The following CERS6 variants were observed in gnomAD, a reference collection of about 807,000 sequenced individuals.
CERS6 encodes LAG1 homolog, ceramide synthase 6.
A neutral mutation model predicts 56.8 loss-of-function variants in CERS6; 26 were observed. The observed-to-expected ratio is 0.46, with a 90% CI of 0.34 to 0.63. The LOEUF is 0.63. Ranked by LOEUF, CERS6 falls within the 30% of genes least tolerant of loss-of-function variation. The pLI, the probability that CERS6 is intolerant of heterozygous loss-of-function variation, is 0.01. For missense variants in CERS6, 415 were observed against 467.5 expected, an observed-to-expected ratio of 0.89 and a Z score of 1.04; for synonymous variants, 164 against 173.3, an observed-to-expected ratio of 0.95 and a Z score of 0.42.
intron 4 of CERS6, among the ~76,000 whole-genome samples, chr2:168,682,061 A>T (rs980431600): frequency 2.6e-5 from 4 of 152,350 alleles, no homozygotes; most frequent in Admixed American, 6.5e-5. Flanking sequence ...GGCTATTGTG[A>T]ATAGTGCTAC....
chr2:168,536,476 G>A (rs1695266461), intron 1 of CERS6, among the ~76,000 whole-genome samples: 1 of 152,036 alleles, frequency 6.6e-6, no homozygotes, highest in Non-Finnish European at 1.5e-5. Context: ...CACACAGTGA[G>A]ATGATAGATA....
chr2:168,581,648 G>A (rs922992835), intron 3 of CERS6, among the ~76,000 whole-genome samples: 1 of 151,968 alleles, frequency 6.6e-6, no homozygotes, highest in Non-Finnish European at 1.5e-5. Flanking sequence ...AAACCTGCTT[G>A]TTCAGTTTTC....
At chr2:168,656,287 T>C (rs532798496) in intron 4 of CERS6, among the ~76,000 whole-genome samples, 1 of 152,224 alleles carries the variant, frequency 6.6e-6, no homozygotes, top group African/African-American at 2.4e-5. Context: ...GTAAGCTTTA[T>C]AAATTTTTTG....
intron 8 of CERS6, among the ~76,000 whole-genome samples, chr2:168,737,598 G>A (rs1683757180): frequency 6.6e-6 from 1 of 152,222 alleles, no homozygotes; most frequent in Admixed American, 6.5e-5. Context: ...GGACCAAAAA[G>A]AAGAGTGTCT....
At chr2:168,633,720 C>CA (rs1284110361) in intron 4 of CERS6, among the ~76,000 whole-genome samples, 2 of 151,644 alleles carry the variant, frequency 1.3e-5, no homozygotes, top group Non-Finnish European at 2.9e-5. Context: ...TAAACTGAGA[C>CA]AAAAAAAATT....
chr2:168,571,654 T>A (rs952154687), intron 3 of CERS6, among the ~76,000 whole-genome samples: 3 of 152,158 alleles, frequency 2.0e-5, no homozygotes, highest in African/African-American at 7.2e-5. Flanking sequence ...AGCCAACTAC[T>A]TTTATTCTAT....
At chr2:168,550,882 G>A (rs935972632) in intron 2 of CERS6, among the ~76,000 whole-genome samples, 5 of 152,278 alleles carry the variant, frequency 3.3e-5, no homozygotes, top group African/African-American at 1.2e-4. Context: ...CCTCCACTGG[G>A]GGCTGAAGGC....
chr2:168,551,402 A>G (rs16855460), intron 2 of CERS6, among the ~76,000 whole-genome samples: 3,150 of 152,140 alleles, frequency 0.021, 118 homozygotes, highest in East Asian at 0.17. Context: ...TTACACCTGG[A>G]TATTTGTGTT....
chr2:168,466,610 T>G (rs1421993814), intron 1 of CERS6, among the ~76,000 whole-genome samples: 2 of 152,244 alleles, frequency 1.3e-5, no homozygotes, highest in African/African-American at 2.4e-5. Context: ...TGTTTGGTCA[T>G]TGTACAAAAT....
intron 9 of CERS6, among the ~76,000 whole-genome samples, chr2:168,769,052 A>AT (rs199817924): frequency 2.9e-4 from 44 of 149,756 alleles, no homozygotes; most frequent in East Asian, 5.9e-4. Context: ...CCAAATAGGA[A>AT]TTTTTTTTTT....
intron 8 of CERS6, among the ~76,000 whole-genome samples, chr2:168,720,518 G>A (rs1409807429): frequency 6.6e-6 from 1 of 152,126 alleles, no homozygotes; most frequent in Non-Finnish European, 1.5e-5. Context: ...GTCCGTACGA[G>A]TCAGGATAGT....
At chr2:168,726,171 T>C (rs1383308375) in intron 8 of CERS6, among the ~76,000 whole-genome samples, 1 of 152,212 alleles carries the variant, frequency 6.6e-6, no homozygotes, top group Non-Finnish European at 1.5e-5. Context: ...TTGATTTCCT[T>C]AAATCTTTGC....
At chr2:168,590,540 A>T (rs1683647831) in intron 3 of CERS6, among the ~76,000 whole-genome samples, 1 of 152,214 alleles carries the variant, frequency 6.6e-6, no homozygotes, top group African/African-American at 2.4e-5. Context: ...TACCACCATT[A>T]TGTAAGAGTA....
At chr2:168,495,535 G>A (rs1419741318) in intron 1 of CERS6, among the ~76,000 whole-genome samples, 1 of 152,160 alleles carries the variant, frequency 6.6e-6, no homozygotes, top group Non-Finnish European at 1.5e-5. Flanking sequence ...ACAACTAAAT[G>A]ACAAAGACAA....
chr2:168,684,887 A>G (rs994909655), intron 4 of CERS6, among the ~76,000 whole-genome samples: 5 of 152,322 alleles, frequency 3.3e-5, no homozygotes, highest in African/African-American at 1.2e-4. Context: ...CGTTTCCAGT[A>G]TAAATTCATG....
At chr2:168,510,090 T>G (rs1694751627) in intron 1 of CERS6, among the ~76,000 whole-genome samples, 1 of 145,302 alleles carries the variant, frequency 6.9e-6, no homozygotes. Flanking sequence ...TTATAATAAT[T>G]GGTAAAAAAA....
chr2:168,741,373 TAAAAA>T lies in CERS6; in HGVS notation c.845+23413_845+23417del, dbSNP rs200311434. Among the ~76,000 whole-genome samples, 663 of 147,060 alleles carry T rather than the reference TAAAAA, an allele frequency of 4.5e-3. 7 individuals are homozygous for T. Among genetic ancestry groups the T allele is most frequent in the African/African-American group, 0.011 (438 of 39,530 alleles). ...AGTTATATGTATGGATTTGGAGAAT[TAAAAA>T]AAAAAAAAAAAAAAAAAGACAAACT... On this transcript the variant is annotated intron_variant, in intron 8 of 9. Transcript: ENST00000305747.
chr2:168,756,505 T>C (rs934760466), intron 8 of CERS6, among the ~76,000 whole-genome samples: 2 of 152,124 alleles, frequency 1.3e-5, no homozygotes, highest in African/African-American at 4.8e-5. Context: ...TCAAGTGGGG[T>C]GGGCCAAAGT....
At chr2:168,619,741 T>G (rs1684415131) in intron 3 of CERS6, among the ~76,000 whole-genome samples, 1 of 151,852 alleles carries the variant, frequency 6.6e-6, no homozygotes, top group Non-Finnish European at 1.5e-5. Context: ...AGGGAACACC[T>G]CTGCACAGCT....
Sources: gnomAD v4.1 joint callset for allele counts (sites outside exome capture counted in the v4.1 genomes callset) on GRCh38, gnomAD v4.1.1 for gene constraint, MANE v1.5 for transcripts, NCBI Gene and HGNC (gene_info 2026-07-23, HGNC 2026-07-21) for gene names.